IRS1: variants seen among roughly 807,000 people sequenced by gnomAD.
The protein encoded by IRS1 is insulin receptor substrate 1.
Under a neutral mutation model 65.6 loss-of-function variants are expected in IRS1, and 34 were observed. The observed-to-expected ratio is 0.52, with a 90% CI of 0.39 to 0.69. The LOEUF (loss-of-function observed/expected upper bound fraction) is 0.69, where lower values mean the gene tolerates loss of function less well. IRS1 is among the 30% of genes least tolerant of loss of function. IRS1 has a pLI of 0.00. For missense variants in IRS1, 1,641 were observed against 1,720.2 expected (o/e 0.95, Z 0.81); for synonymous variants, 699 against 683.5 (o/e 1.02, Z -0.35).
chr2:226,793,535 A>T (rs1484620109), intron 1 of IRS1, among the ~76,000 whole-genome samples: 1 of 152,238 alleles, frequency 6.6e-6, no homozygotes, highest in Non-Finnish European at 1.5e-5. Context: ...GAGTGTTCAT[A>T]TACCTTTTTC....
intron 1 of IRS1, among the ~76,000 whole-genome samples, chr2:226,756,198 T>C (rs907120567): frequency 7.2e-5 from 11 of 152,188 alleles, no homozygotes; most frequent in Admixed American, 5.9e-4. Context: ...AAAGCATTTA[T>C]CTTATACCCG....
At chr2:226,780,168 G>A (rs530668693) in intron 1 of IRS1, among the ~76,000 whole-genome samples, 7 of 152,244 alleles carry the variant, frequency 4.6e-5, no homozygotes, top group African/African-American at 1.2e-4. Context: ...CGAGGCGGGC[G>A]AAACACGAGA....
In IRS1 at chr2:226,799,248, G is replaced by T; in HGVS notation, c.-510C>A. On this transcript the variant is annotated 5_prime_UTR_variant, in exon 1 of 2. Coordinates refer to ENST00000305123, the MANE Select transcript of IRS1 (RefSeq NM_005544.3). The surrounding 1 kb of genome is among the most constrained non-coding windows in gnomAD (Gnocchi z 6.1). The stretch of plus-strand genomic sequence containing the variant: ...GGGAGGCGGGTTGCCAAGTCCCAAC[G>T]TTGCACGGGGTTCTCCCTCCTCCTT... 3 of 1,128,198 alleles carry T rather than the reference G, an allele frequency of 2.7e-6. No individual in the cohort carries two copies. The highest frequency in any genetic ancestry group is 3.3e-6 in the Non-Finnish European group (3 of 903,096). 69.9% of individuals were successfully genotyped at this position (1,128,198 alleles called of 1,614,324 possible).
chr2:226,776,675 G>C (rs973359609), intron 1 of IRS1, among the ~76,000 whole-genome samples: 2 of 151,844 alleles, frequency 1.3e-5, no homozygotes, highest in African/African-American at 4.9e-5. Flanking sequence ...GGGAGGCCAA[G>C]GTGGGCAGAT....
intron 1 of IRS1, among the ~76,000 whole-genome samples, chr2:226,747,163 G>A (rs972543234): frequency 6.6e-6 from 1 of 152,098 alleles, no homozygotes; most frequent in South Asian, 2.1e-4. Flanking sequence ...TGAGCTAAAA[G>A]CACCCCATGG....
chr2:226,799,262 T>A lies in IRS1; in HGVS notation c.-524A>T, dbSNP rs990853289. On this transcript the variant is annotated 5_prime_UTR_variant, in exon 1 of 2. Transcript: ENST00000305123. The surrounding 1 kb of genome is among the most constrained non-coding windows in gnomAD (Gnocchi z 6.1). The stretch of plus-strand genomic sequence containing the variant: ...CAAGTCCCAACGTTGCACGGGGTTC[T>A]CCCTCCTCCTTCGCCTCCTCCCACC... 5.2e-6 allele frequency: 6 copies of A among 1,145,250 alleles called. No homozygotes were observed. The African/African-American group carries it at 1.0e-4, about 20-fold the overall frequency. 70.9% of individuals were successfully genotyped at this position (1,145,250 alleles called of 1,614,324 possible). A position where few individuals can be genotyped will look rare whatever the true frequency, so the allele number is the denominator to read the frequency against.
At chr2:226,777,856 G>C (rs745636091) in intron 1 of IRS1, among the ~76,000 whole-genome samples, 3 of 152,060 alleles carry the variant, frequency 2.0e-5, no homozygotes, top group Admixed American at 6.6e-5. Flanking sequence ...GCCCAGCCTC[G>C]GGTTTGTCTT....
Position 226,732,871 on chromosome 2 carries a change from C to T in IRS1, c.*3401G>A, listed in dbSNP as rs1162392292. 2.0e-5 allele frequency: 3 copies of T among 152,140 alleles called. No individual in the cohort carries two copies. Among genetic ancestry groups the T allele is most frequent in the Admixed American group, 6.5e-5 (1 of 15,268 alleles). The allele number at this position is 152,140 out of a possible 1,614,324, so 9.4% of individuals were successfully genotyped here. A position where few individuals can be genotyped will look rare whatever the true frequency, so the allele number is the denominator to read the frequency against. The stretch of plus-strand genomic sequence containing the variant: ...CTTCCCATTCCTACCAAAAGGGTCA[C>T]ATCTCTCCCCGCCAAGGTCTTAATT... On this transcript the variant is annotated 3_prime_UTR_variant, in exon 2 of 2. Transcript: ENST00000305123.
Position 226,731,526 on chromosome 2 carries a change from T to C in IRS1, c.*4746A>G, listed in dbSNP as rs1377407218. 2.0e-5 allele frequency: 3 copies of C among 152,020 alleles called. No homozygotes were observed. The highest frequency in any genetic ancestry group is 4.4e-5 in the Non-Finnish European group (3 of 68,008). 9.4% of individuals were successfully genotyped at this position (152,020 alleles called of 1,614,324 possible). ...AAGAAAACTTGGAAAAGTGAAACAC[T>C]TCTAAATAAAAAATATATACCTGGC... On this transcript the variant is annotated 3_prime_UTR_variant, in exon 2 of 2. Transcript: ENST00000305123.
Position 226,797,507 on chromosome 2 carries a change from C to T in IRS1, c.1232G>A (p.Arg411Gln). 1 of 1,613,098 alleles carries T rather than the reference C, an allele frequency of 6.2e-7. No homozygotes were observed. Among genetic ancestry groups the T allele is most frequent in the Non-Finnish European group, 8.5e-7 (1 of 1,179,846 alleles). The change falls in exon 1 of 2, where the codon CGA (arginine) becomes CAA (glutamine). Residue 411 changes from arginine to glutamine, a missense_variant. Physicochemically the swap from Arg to Gln is conservative, Grantham distance 43. Coordinates refer to ENST00000305123, the MANE Select transcript of IRS1 (RefSeq NM_005544.3). The surrounding 1 kb of genome is among the most constrained non-coding windows in gnomAD (Gnocchi z 8.1). Reference protein sequence around the residue: ...GSTSDCLFPRRSSASVSGSPS... With the variant: ...GSTSDCLFPRQSSASVSGSPS... ...GGAACCAGACACCGAAGCACTAGATCGCCGTGGGAAGAGACAATCCGAGGT... is the reference window on the plus strand; with the variant it reads ...GGAACCAGACACCGAAGCACTAGATTGCCGTGGGAAGAGACAATCCGAGGT...
chr2:226,738,788 C>T lies in IRS1; in HGVS notation c.*22-2538G>A, dbSNP rs150851249. Among the ~76,000 whole-genome samples the T allele has an allele frequency of 5.4e-3, 830 of 152,294 alleles. 4 individuals are homozygous for T. Among genetic ancestry groups the T allele is most frequent in the Non-Finnish European group, 9.0e-3 (614 of 68,020 alleles). ...TTAACAGAGCTTCACAGCTCTGGGC[C>T]TCTAATTAGGCAGGAAGGCCACACT... On this transcript the variant is annotated intron_variant, in intron 1 of 1. Coordinates refer to ENST00000305123, the MANE Select transcript of IRS1 (RefSeq NM_005544.3).
chr2:226,799,293 A>G lies in IRS1; in HGVS notation c.-555T>C, dbSNP rs1277866588. 8.4e-7 allele frequency: 1 copy of G among 1,190,638 alleles called. No homozygotes were observed. Among genetic ancestry groups the G allele is most frequent in the African/African-American group, 1.7e-5 (1 of 59,978 alleles). The allele number at this position is 1,190,638 out of a possible 1,614,324, so 73.8% of individuals were successfully genotyped here. A position where few individuals can be genotyped will look rare whatever the true frequency, so the allele number is the denominator to read the frequency against. ...CTCCTTCGCCTCCTCCCACCCCCCAACCGTCCCAGCCGCCACCAGCCGCCC... is the reference window on the plus strand; with the variant it reads ...CTCCTTCGCCTCCTCCCACCCCCCAGCCGTCCCAGCCGCCACCAGCCGCCC... On this transcript the variant is annotated 5_prime_UTR_variant, in exon 1 of 2. Coordinates refer to ENST00000305123, the MANE Select transcript of IRS1 (RefSeq NM_005544.3). This position sits in a 1 kb window ranked among gnomAD's most constrained non-coding sequence, Gnocchi z 6.1.
chr2:226,780,084 T>C (rs1267468441), intron 1 of IRS1, among the ~76,000 whole-genome samples: 1 of 152,212 alleles, frequency 6.6e-6, no homozygotes, highest in African/African-American at 2.4e-5. Context: ...ACTTTCTAAC[T>C]GACCTCTTTT....
chr2:226,770,464 A>G (rs1939140569), intron 1 of IRS1, among the ~76,000 whole-genome samples: 1 of 152,236 alleles, frequency 6.6e-6, no homozygotes, highest in Admixed American at 6.5e-5. Flanking sequence ...TCTAGAACAT[A>G]AGCTCAGAAG....
At chr2:226,771,844 A>T (rs1939172162) in intron 1 of IRS1, among the ~76,000 whole-genome samples, 1 of 152,142 alleles carries the variant, frequency 6.6e-6, no homozygotes, top group South Asian at 2.1e-4. Flanking sequence ...AATCCACAGG[A>T]ACTATAAAAT....
intron 1 of IRS1, among the ~76,000 whole-genome samples, chr2:226,770,492 A>G (rs12052364): frequency 0.049 from 7,508 of 152,302 alleles, 342 homozygotes; most frequent in East Asian, 0.17. Context: ...ACGAAGTCTT[A>G]TTCCTAGCCC....
At chr2:226,793,083 TTTTTG>T (rs1475088329) in intron 1 of IRS1, among the ~76,000 whole-genome samples, 2 of 152,196 alleles carry the variant, frequency 1.3e-5, no homozygotes, top group African/African-American at 4.8e-5. Context: ...TTTTGTAGAG[TTTTTG>T]TTTTTTTAAT....
chr2:226,795,755 C>T lies in IRS1; in HGVS notation c.2984G>A (p.Ser995Asn). 2 of 1,613,414 alleles carry T rather than the reference C, an allele frequency of 1.2e-6. No individual in the cohort carries two copies. Among genetic ancestry groups the T allele is most frequent in the Non-Finnish European group, 1.7e-6 (2 of 1,180,028 alleles). Residue 995 changes from serine (S) to asparagine (N), a missense_variant, in exon 1 of 2, where the codon AGT becomes AAT. This residue lies in a region of IRS1 where 1,324 missense variants were observed against 1,361.0 expected (regional missense o/e 0.97). Transcript: ENST00000305123. ...SRGDYMTMQM[S>N]CPRQSYVDTS... ...GTCCACGTAGCTCTGACGGGGACAA[C>T]TCATCTGCATGGTCATGTAGTCACC... is the stretch of plus-strand genomic sequence containing the variant.
chr2:226,783,605 C>T (rs1225743573), intron 1 of IRS1, among the ~76,000 whole-genome samples: 1 of 152,172 alleles, frequency 6.6e-6, no homozygotes, highest in African/African-American at 2.4e-5. Context: ...ACTGATATTT[C>T]ACCCAAAGGT....
Sources: allele counts gnomAD v4.1 joint callset (sites outside exome capture counted in the v4.1 genomes callset), GRCh38; gene constraint gnomAD v4.1.1; regional missense constraint gnomAD v4.1.1; non-coding constraint Gnocchi (gnomAD v3.1); transcripts MANE v1.5; gene names NCBI Gene and HGNC (gene_info 2026-07-23, HGNC 2026-07-21).